Variants in RAB3C observed in about 807,000 individuals in gnomAD.
RAB3C encodes the protein RAB3C, member RAS oncogene family, also known as ras-related protein Rab-3C.
In RAB3C, 17 loss-of-function variants were observed where a neutral mutation model predicts 26.4. The observed-to-expected ratio is 0.64, with a 90% CI of 0.44 to 0.97. The LOEUF is 0.97. Among genes scored for constraint, RAB3C ranks in the 50% least tolerant of loss-of-function variants. The pLI is 0.00. For missense variants in RAB3C, 242 were observed against 281.9 expected, an observed-to-expected ratio of 0.86 and a Z score of 1.01; for synonymous variants, 91 against 95.9, an observed-to-expected ratio of 0.95 and a Z score of 0.30.
intron 1 of RAB3C, among the ~76,000 whole-genome samples, chr5:58,592,273 T>C (rs1268222426): frequency 2.0e-5 from 3 of 152,174 alleles, no homozygotes; most frequent in South Asian, 4.1e-4. Flanking sequence ...TATGCATATT[T>C]AACTTATTAT....
intron 3 of RAB3C, among the ~76,000 whole-genome samples, chr5:58,759,846 G>A (rs1318923304): frequency 6.6e-6 from 1 of 152,200 alleles, no homozygotes; most frequent in Non-Finnish European, 1.5e-5. Flanking sequence ...TGATTAATTA[G>A]TGATGAGTCA....
intron 2 of RAB3C, among the ~76,000 whole-genome samples, chr5:58,632,391 A>T (rs1182325596): frequency 6.6e-6 from 1 of 152,180 alleles, no homozygotes; most frequent in Non-Finnish European, 1.5e-5. Context: ...AAGCCTACTG[A>T]ATTCATATCT....
intron 1 of RAB3C, among the ~76,000 whole-genome samples, chr5:58,606,667 G>T (rs563796823): frequency 6.6e-6 from 1 of 152,242 alleles, no homozygotes; most frequent in Non-Finnish European, 1.5e-5. Context: ...ATACAGGTGG[G>T]TGCTCCTCTG....
intron 3 of RAB3C, among the ~76,000 whole-genome samples, chr5:58,764,771 G>C (rs1396276921): frequency 1.3e-5 from 2 of 152,096 alleles, no homozygotes; most frequent in African/African-American, 4.8e-5. Context: ...TTCCACACCT[G>C]AGGCGAGTAG....
intron 2 of RAB3C, among the ~76,000 whole-genome samples, chr5:58,656,857 C>T (rs907677663): frequency 1.3e-5 from 2 of 152,098 alleles, no homozygotes; most frequent in African/African-American, 4.8e-5. Context: ...GCAGAACCAC[C>T]ATTTGATCCA....
At position 58,596,038 on chromosome 5, in the gene RAB3C, G is replaced by A. The variant is rs149399184; in HGVS notation, c.24+12806G>A. Among the ~76,000 whole-genome samples, 71 of 152,098 alleles carry A rather than the reference G, an allele frequency of 4.7e-4. 1 individual carries two copies. The highest frequency in any genetic ancestry group is 1.7e-3 in the African/African-American group (69 of 41,494). ...AAGATGGCTGCTTGGCTATTGGGAG[G>A]GATGTGGGGTTTGGACTTTCAACCA... On this transcript the variant is annotated intron_variant, in intron 1 of 4. Transcript: ENST00000282878.
At chr5:58,615,187 C>G (rs915701249) in intron 1 of RAB3C, among the ~76,000 whole-genome samples, 5 of 152,026 alleles carry the variant, frequency 3.3e-5, no homozygotes, top group Non-Finnish European at 7.4e-5. Flanking sequence ...TTTGAGGTAT[C>G]CTAGAGATCC....
intron 3 of RAB3C, among the ~76,000 whole-genome samples, chr5:58,774,624 A>G (rs772182773): frequency 3.2e-4 from 48 of 152,272 alleles, no homozygotes; most frequent in Admixed American, 9.2e-4. Context: ...AATTTCTTAG[A>G]AAAAATACAA....
Position 58,630,489 on chromosome 5 carries a change from A to G in RAB3C, c.252+12619A>G, listed in dbSNP as rs568132749. On this transcript the variant is annotated intron_variant, in intron 2 of 4. Coordinates refer to ENST00000282878, the MANE Select transcript of RAB3C (RefSeq NM_138453.4). The stretch of plus-strand genomic sequence containing the variant: ...ACATAAAGAACATATTTTAATGAAA[A>G]ATAACTGCATTTTGAAAGACAGTAC... Among the ~76,000 whole-genome samples, 481 of 152,380 alleles carry G rather than the reference A, an allele frequency of 3.2e-3. 1 individual carries two copies. Among genetic ancestry groups the G allele is most frequent in the Non-Finnish European group, 5.0e-3 (339 of 68,046 alleles).
chr5:58,835,789 A>T (rs547181358), intron 4 of RAB3C, among the ~76,000 whole-genome samples: 1 of 152,360 alleles, frequency 6.6e-6, no homozygotes, highest in East Asian at 1.9e-4. Context: ...TTAAAGTCAG[A>T]TATAAGAAAT....
At chr5:58,810,382 T>G (rs10940628) in intron 3 of RAB3C, among the ~76,000 whole-genome samples, 1 of 84,692 alleles carries the variant, frequency 1.2e-5, no homozygotes, top group Admixed American at 1.3e-4. Context: ...TCTCTCTCTC[T>G]CTCTGTGTGT....
chr5:58,655,921 C>T (rs985701712), intron 2 of RAB3C, among the ~76,000 whole-genome samples: 19 of 151,426 alleles, frequency 1.3e-4, no homozygotes, highest in Non-Finnish European at 2.7e-4. Context: ...TCAGCCTCTC[C>T]GAGTAGCTGG....
At position 58,825,178 on chromosome 5, in the gene RAB3C, A is replaced by G. The variant is rs1743446149; in HGVS notation, c.496+16A>G. ...GAACAGCTTGGTAAGAAACAAATTA[A>G]TAAGTTAAAAAGAAAGATAATTTGC... On this transcript the variant is annotated intron_variant, in intron 4 of 4. Transcript: ENST00000282878. 5.0e-6 allele frequency: 8 copies of G among 1,606,112 alleles called. No homozygotes were observed. Among genetic ancestry groups the G allele is most frequent in the Non-Finnish European group, 6.8e-6 (8 of 1,175,670 alleles).
At chr5:58,625,162 T>A (rs1020726589) in intron 2 of RAB3C, among the ~76,000 whole-genome samples, 2 of 152,196 alleles carry the variant, frequency 1.3e-5, no homozygotes, top group Non-Finnish European at 2.9e-5. Context: ...CCTTTCTCTA[T>A]AAGTACAACA....
chr5:58,696,600 C>A (rs1748705455), intron 2 of RAB3C, among the ~76,000 whole-genome samples: 1 of 152,220 alleles, frequency 6.6e-6, no homozygotes, highest in East Asian at 1.9e-4. Context: ...AATTTCAGAG[C>A]CTGTTATTGG....
intron 3 of RAB3C, among the ~76,000 whole-genome samples, chr5:58,746,779 C>T (rs902559857): frequency 4.6e-5 from 7 of 152,186 alleles, no homozygotes; most frequent in Non-Finnish European, 1.0e-4. Context: ...AATGTGGTGA[C>T]ATATTCTGAA....
intron 3 of RAB3C, chr5:58,741,825 A>C (rs921088624): frequency 4.6e-5 from 7 of 151,782 alleles, no homozygotes; most frequent in African/African-American, 1.7e-4. Context: ...GCCAACATGG[A>C]GAAACCCCGT....
chr5:58,775,103 G>T (rs995202540), intron 3 of RAB3C, among the ~76,000 whole-genome samples: 1 of 152,110 alleles, frequency 6.6e-6, no homozygotes, highest in Non-Finnish European at 1.5e-5. Flanking sequence ...GGAAGTGATT[G>T]CAATCATCTG....
At chr5:58,667,058 CA>C (rs1561283448) in intron 2 of RAB3C, among the ~76,000 whole-genome samples, 8 of 152,132 alleles carry the variant, frequency 5.3e-5, no homozygotes, top group African/African-American at 1.9e-4. Context: ...ATAGTTGTGG[CA>C]GACTCTCCAA....
Sources: allele counts gnomAD v4.1 joint callset (sites outside exome capture counted in the v4.1 genomes callset), GRCh38; gene constraint gnomAD v4.1.1; transcripts MANE v1.5; gene names NCBI Gene and HGNC (gene_info 2026-07-23, HGNC 2026-07-21).